Variants in ASCC1 observed in about 807,000 individuals in gnomAD.
The protein encoded by ASCC1 is activating signal cointegrator 1 complex subunit 1.
In ASCC1, 35 loss-of-function variants were observed where a neutral mutation model predicts 46.6. That is an observed-to-expected ratio of 0.75 (90% CI 0.57 to 0.99). ASCC1 has a LOEUF of 0.99. Ranked by LOEUF, ASCC1 falls within the 50% of genes least tolerant of loss-of-function variation. ASCC1 has a pLI of 0.00. For synonymous variants in ASCC1, 143 were observed against 146.6 expected, an observed-to-expected ratio of 0.98 and a Z score of 0.18; for missense variants, 376 against 428.7, an observed-to-expected ratio of 0.88 and a Z score of 1.09.
intron 9 of ASCC1, among the ~76,000 whole-genome samples, chr10:72,106,594 G>A (rs560653729): frequency 5.3e-5 from 8 of 152,064 alleles, no homozygotes; most frequent in Non-Finnish European, 1.0e-4. Context: ...CTCCCTATGA[G>A]GGATGGTATG....
chr10:72,097,624 G>T (rs918092396), intron 9 of ASCC1, among the ~76,000 whole-genome samples, 174 bp from the exon 10 acceptor site: 1 of 152,164 alleles, frequency 6.6e-6, no homozygotes, highest in African/African-American at 2.4e-5. Flanking sequence ...ATGGGGGTGG[G>T]AGTGAGAAAA....
chr10:72,136,022 GT>G (rs1387468230), intron 7 of ASCC1, among the ~76,000 whole-genome samples: 14 of 152,154 alleles, frequency 9.2e-5, no homozygotes, highest in African/African-American at 3.1e-4. Context: ...TGTTGTTGTT[GT>G]TGTTTTTCTT....
In ASCC1 at chr10:72,096,281, C is replaced by A. The variant is rs756221905; in HGVS notation, c.*1053G>T. 1 of 454,034 alleles carries A rather than the reference C, an allele frequency of 2.2e-6. No individual in the cohort carries two copies. The highest frequency in any genetic ancestry group is 4.4e-6 in the Non-Finnish European group (1 of 226,758). 28.1% of individuals were successfully genotyped at this position (454,034 alleles called of 1,614,324 possible). A position where few individuals can be genotyped will look rare whatever the true frequency, so the allele number is the denominator to read the frequency against. ...GCATTCCCGCCTCCCTCTGCTGGTC[C>A]GTGGTGAGGGAGGAGTGAGGGCCTC... On this transcript the variant is annotated 3_prime_UTR_variant, in exon 10 of 10. Transcript: ENST00000672957.
chr10:72,195,471 T>C (rs1178081672), intron 5 of ASCC1, among the ~76,000 whole-genome samples: 1 of 151,946 alleles, frequency 6.6e-6, no homozygotes, highest in Non-Finnish European at 1.5e-5. Flanking sequence ...CTTTCTTCAA[T>C]GACAAAACAA....
intron 7 of ASCC1, among the ~76,000 whole-genome samples, chr10:72,134,869 A>G (rs1238970531): frequency 6.6e-6 from 1 of 152,266 alleles, no homozygotes; most frequent in Non-Finnish European, 1.5e-5. Context: ...AAAGAAAAAA[A>G]GCAAAAATAT....
At chr10:72,163,128 G>A (rs1395132757) in intron 5 of ASCC1, among the ~76,000 whole-genome samples, 1 of 152,100 alleles carries the variant, frequency 6.6e-6, no homozygotes, top group Non-Finnish European at 1.5e-5. Flanking sequence ...ACAAGTGCTG[G>A]CGAGGATGTG....
intron 9 of ASCC1, among the ~76,000 whole-genome samples, chr10:72,103,255 C>T (rs1393783168): frequency 6.6e-6 from 1 of 151,680 alleles, no homozygotes; most frequent in Non-Finnish European, 1.5e-5. Flanking sequence ...GCCTCAGCCT[C>T]CCGAGTAGCT....
intron 9 of ASCC1, among the ~76,000 whole-genome samples, chr10:72,109,841 C>G (rs1842731874): frequency 6.6e-6 from 1 of 152,230 alleles, no homozygotes; most frequent in African/African-American, 2.4e-5. Flanking sequence ...GCTACGCTGA[C>G]CCGGCTGGAG....
chr10:72,154,125 A>C (rs1347297988), intron 6 of ASCC1, among the ~76,000 whole-genome samples: 1 of 152,222 alleles, frequency 6.6e-6, no homozygotes, highest in Non-Finnish European at 1.5e-5. Flanking sequence ...AAGCTAAGGA[A>C]ACAATTTTGA....
intron 5 of ASCC1, among the ~76,000 whole-genome samples, chr10:72,168,251 T>C (rs1219871910): frequency 6.6e-6 from 1 of 151,974 alleles, no homozygotes; most frequent in Admixed American, 6.6e-5. Flanking sequence ...AAACTCAAAA[T>C]GCTATTGAAC....
intron 5 of ASCC1, among the ~76,000 whole-genome samples, chr10:72,186,804 C>T: frequency 6.6e-6 from 1 of 151,712 alleles, no homozygotes; most frequent in South Asian, 2.1e-4. Flanking sequence ...GTCCTTTGGA[C>T]TGATTAAGGC....
rs140841109 is a variant in ASCC1 at position 72,101,368 on chromosome 10, A to G, written c.958-3918T>C. On this transcript the variant is annotated intron_variant, in intron 9 of 9. Transcript: ENST00000672957. ...GATGAGAGGTACAGGCCATCAATAAATGCAGCAGGAGGTAAGGAAACAAGG... is the reference window on the plus strand; with the variant it reads ...GATGAGAGGTACAGGCCATCAATAAGTGCAGCAGGAGGTAAGGAAACAAGG... Among the ~76,000 whole-genome samples, 215 of 152,300 alleles carry G rather than the reference A, an allele frequency of 1.4e-3. 5 individuals are homozygous for G. Among genetic ancestry groups the G allele is most frequent in the African/African-American group, 5.1e-3 (210 of 41,536 alleles).
At chr10:72,190,995 CAAA>C (rs556780486) in intron 5 of ASCC1, among the ~76,000 whole-genome samples, 6 of 87,120 alleles carry the variant, frequency 6.9e-5, no homozygotes, top group Admixed American at 1.4e-4. Context: ...GACGCCGTCT[CAAA>C]AAAAAAAAAA....
At position 72,204,553 on chromosome 10, in the gene ASCC1, G is replaced by C. The variant is rs142304456; in HGVS notation, c.213-1029C>G. ...TTTCAGAGTCTATAAAGCACTAAGAGGCCATCACAGGGCTATCAAGTTAAG... is the reference window on the plus strand; with the variant it reads ...TTTCAGAGTCTATAAAGCACTAAGACGCCATCACAGGGCTATCAAGTTAAG... On this transcript the variant is annotated intron_variant, in intron 3 of 9. Coordinates refer to ENST00000672957, the MANE Select transcript of ASCC1 (RefSeq NM_001198800.3). 2.9e-4 allele frequency: 445 copies of C among 1,545,234 alleles called. 1 individual carries two copies. The East Asian group carries it at 8.9e-3, about 31-fold the overall frequency.
At chr10:72,154,762 G>T (rs1454756011) in intron 6 of ASCC1, among the ~76,000 whole-genome samples, 5 of 152,142 alleles carry the variant, frequency 3.3e-5, no homozygotes, top group South Asian at 2.1e-4. Flanking sequence ...AAAGTGCTGG[G>T]ATTACAGGCG....
At chr10:72,108,126 G>C (rs1011469760) in intron 9 of ASCC1, among the ~76,000 whole-genome samples, 3 of 149,184 alleles carry the variant, frequency 2.0e-5, no homozygotes, top group African/African-American at 7.4e-5. Flanking sequence ...AGCCAGGCTG[G>C]AGTGCAGTGG....
At chr10:72,209,839 T>C (rs1857794260) in intron 3 of ASCC1, among the ~76,000 whole-genome samples, 1 of 152,174 alleles carries the variant, frequency 6.6e-6, no homozygotes. Context: ...TTTGGATCTG[T>C]GTCCCTGCCA....
At chr10:72,196,357 C>A (rs907808893) in intron 5 of ASCC1, among the ~76,000 whole-genome samples, 5 of 151,406 alleles carry the variant, frequency 3.3e-5, no homozygotes, top group African/African-American at 1.2e-4. Flanking sequence ...TGGCTCACTG[C>A]AACCCCCATC....
chr10:72,172,024 A>C (rs1348866129), intron 5 of ASCC1, among the ~76,000 whole-genome samples: 1 of 152,224 alleles, frequency 6.6e-6, no homozygotes, highest in Admixed American at 6.5e-5. Context: ...ATAAGATTGT[A>C]TCTCCAGCCT....
Sources: allele counts gnomAD v4.1 joint callset (sites outside exome capture counted in the v4.1 genomes callset), GRCh38; gene constraint gnomAD v4.1.1; transcripts MANE v1.5; gene names NCBI Gene and HGNC (gene_info 2026-07-23, HGNC 2026-07-21).